The following PDE4D variants were observed in gnomAD, a reference collection of about 807,000 sequenced individuals.
The protein encoded by PDE4D is phosphodiesterase 4D.
In PDE4D, 24 loss-of-function variants were observed where a neutral mutation model predicts 87.4. The observed-to-expected ratio is 0.27, with a 90% CI of 0.20 to 0.39. The LOEUF (loss-of-function observed/expected upper bound fraction) is 0.39. PDE4D is among the 10% of genes least tolerant of loss of function. PDE4D has a pLI of 1.00. For missense variants in PDE4D, 714 were observed against 1,041.0 expected, an observed-to-expected ratio of 0.69 and a Z score of 4.32; for synonymous variants, 384 against 383.2, an observed-to-expected ratio of 1.00 and a Z score of -0.02.
intron 1 of PDE4D, among the ~76,000 whole-genome samples, chr5:60,291,089 C>G (rs1478801054): frequency 6.6e-6 from 1 of 152,140 alleles, no homozygotes; most frequent in East Asian, 1.9e-4. Context: ...ATCCAAAGAG[C>G]AACATCTTTA....
chr5:59,105,392 T>A (rs1771426967), intron 5 of PDE4D, among the ~76,000 whole-genome samples: 2 of 152,240 alleles, frequency 1.3e-5, no homozygotes, highest in African/African-American at 4.8e-5. Context: ...TTAAGCACAG[T>A]GGAAAAACAT....
intron 2 of PDE4D, among the ~76,000 whole-genome samples, chr5:60,117,605 T>C (rs1778282690): frequency 6.6e-6 from 1 of 152,090 alleles, no homozygotes; most frequent in African/African-American, 2.4e-5. Flanking sequence ...ATTTGATTTA[T>C]ATTAACTCTA....
chr5:60,110,387 C>A (rs552374190), intron 2 of PDE4D, among the ~76,000 whole-genome samples: 1 of 152,120 alleles, frequency 6.6e-6, no homozygotes, highest in South Asian at 2.1e-4. Flanking sequence ...TTTCAAAAGA[C>A]TTGCAAATGG....
chr5:60,264,379 C>A (rs545559160), intron 1 of PDE4D, among the ~76,000 whole-genome samples: 2 of 152,266 alleles, frequency 1.3e-5, no homozygotes, highest in East Asian at 3.9e-4. Flanking sequence ...CAGAATAGGA[C>A]AGTACCTTGG....
At chr5:59,256,032 AC>A (rs1308959565) in intron 1 of PDE4D, among the ~76,000 whole-genome samples, 1 of 152,084 alleles carries the variant, frequency 6.6e-6, no homozygotes, top group African/African-American at 2.4e-5. Flanking sequence ...TATTTTTTGC[AC>A]CTTTACACAA....
At chr5:59,170,029 G>A (rs573792806) in intron 5 of PDE4D, among the ~76,000 whole-genome samples, 10 of 152,266 alleles carry the variant, frequency 6.6e-5, no homozygotes, top group African/African-American at 2.2e-4. Context: ...TTTTATTCAT[G>A]TGGTAGCTTT....
intron 1 of PDE4D, among the ~76,000 whole-genome samples, chr5:59,574,067 T>C (rs1262837974): frequency 1.6e-4 from 3 of 18,388 alleles, no homozygotes; most frequent in Admixed American, 9.8e-4. Context: ...TAAAAATATA[T>C]ATATTTATAT....
chr5:59,155,318 A>G (rs1780011080), intron 5 of PDE4D, among the ~76,000 whole-genome samples: 1 of 152,234 alleles, frequency 6.6e-6, no homozygotes, highest in Non-Finnish European at 1.5e-5. Flanking sequence ...AAGAGTGTGG[A>G]AACATCTGGA....
chr5:59,240,809 TC>T, intron 1 of PDE4D, among the ~76,000 whole-genome samples: 1 of 11,674 alleles, frequency 8.6e-5, no homozygotes, highest in South Asian at 2.9e-3. Flanking sequence ...CACACACACA[TC>T]CCTTTTGGAT....
chr5:60,186,052 T>G (rs1026368687), intron 1 of PDE4D, among the ~76,000 whole-genome samples: 1 of 152,024 alleles, frequency 6.6e-6, no homozygotes, highest in Non-Finnish European at 1.5e-5. Context: ...GATTCGACAA[T>G]TTTTCACTAA....
intron 1 of PDE4D, among the ~76,000 whole-genome samples, chr5:59,737,089 T>C (rs746181407): frequency 6.6e-6 from 1 of 152,076 alleles, no homozygotes; most frequent in African/African-American, 2.4e-5. Flanking sequence ...TTAATACTGT[T>C]ATACTCTTTG....
intron 1 of PDE4D, among the ~76,000 whole-genome samples, chr5:60,487,249 C>T (rs1450148781): frequency 1.3e-5 from 2 of 152,174 alleles, no homozygotes; most frequent in Non-Finnish European, 1.5e-5. Flanking sequence ...ATCACAAATT[C>T]CAATCCACAT....
intron 1 of PDE4D, among the ~76,000 whole-genome samples, chr5:59,641,441 A>G (rs183696308): frequency 2.1e-4 from 32 of 152,306 alleles, no homozygotes; most frequent in African/African-American, 3.6e-4. Flanking sequence ...CCTTTGCCAC[A>G]TATTCTGGAA....
At chr5:60,085,304 G>A (rs1004617890) in intron 2 of PDE4D, among the ~76,000 whole-genome samples, 3 of 152,130 alleles carry the variant, frequency 2.0e-5, no homozygotes, top group African/African-American at 4.8e-5. Context: ...GCCTTAGGGT[G>A]TTTAGCCAGG....
intron 2 of PDE4D, among the ~76,000 whole-genome samples, chr5:60,001,171 T>C (rs1178929328): frequency 6.6e-6 from 1 of 152,074 alleles, no homozygotes; most frequent in Non-Finnish European, 1.5e-5. Context: ...GGGGGAGTCC[T>C]CCAGAAACCC....
At chr5:59,423,264 C>G in intron 1 of PDE4D, among the ~76,000 whole-genome samples, 1 of 152,312 alleles carries the variant, frequency 6.6e-6, no homozygotes, top group African/African-American at 2.4e-5. Context: ...AACACTCAGA[C>G]TATGTTAGGT....
At chr5:59,014,720 T>A (rs1753610932) in intron 6 of PDE4D, among the ~76,000 whole-genome samples, 1 of 152,186 alleles carries the variant, frequency 6.6e-6, no homozygotes, top group Non-Finnish European at 1.5e-5. Context: ...ATAGATTCAA[T>A]GCCATCCCCA....
rs368784927 is a variant in PDE4D at position 59,261,658 on chromosome 5, T to G, written c.456-45690A>C. 7.9e-5 allele frequency among the ~76,000 whole-genome samples: 12 copies of G among 151,950 alleles called. No individual in the cohort carries two copies. In the South Asian group the frequency reaches 2.5e-3, roughly 31 times the overall value. On this transcript the variant is annotated intron_variant, in intron 1 of 14. Transcript: ENST00000340635. ...TTTTTCCTGATGTGCCCTTTTTGTG[T>G]TCCCTCTCTACAGATACATTAAAAT...
chr5:59,858,951 T>A (rs1333689389), intron 1 of PDE4D, among the ~76,000 whole-genome samples: 3 of 152,208 alleles, frequency 2.0e-5, no homozygotes, highest in Non-Finnish European at 4.4e-5. Flanking sequence ...TGATATTGAA[T>A]AGAGGCTCCA....
Sources: allele counts gnomAD v4.1 joint callset (sites outside exome capture counted in the v4.1 genomes callset), GRCh38; gene constraint gnomAD v4.1.1; transcripts MANE v1.5; gene names NCBI Gene and HGNC (gene_info 2026-07-23, HGNC 2026-07-21).